The following CDC42BPG variants were observed in gnomAD, a reference collection of about 807,000 sequenced individuals.
CDC42BPG encodes the protein serine/threonine-protein kinase MRCK gamma.
A neutral mutation model predicts 192.2 loss-of-function variants in CDC42BPG; 157 were observed. The ratio of observed to expected loss-of-function variants is 0.82; its 90% confidence interval spans 0.72 to 0.93. The LOEUF (loss-of-function observed/expected upper bound fraction) is 0.93. Among genes scored for constraint, CDC42BPG ranks in the 40% least tolerant of loss-of-function variants. The probability of loss-of-function intolerance (pLI) is 0.00; values close to 1 mark genes in which losing one functional copy is unlikely to be tolerated. For synonymous variants in CDC42BPG, 981 were observed against 918.5 expected, an observed-to-expected ratio of 1.07 and a Z score of -1.23; for missense variants, 1,992 against 2,122.1, an observed-to-expected ratio of 0.94 and a Z score of 1.20.
intron 11 of CDC42BPG, 30 bp downstream of exon 11, chr11:64,836,709 G>GGCA (rs752185117): frequency 1.4e-6 from 1 of 695,480 alleles, no homozygotes; most frequent in Non-Finnish European, 2.1e-6. Flanking sequence ...TCAGCCCTGG[G>GGCA]GGGGGGGGGG....
Position 64,836,742 on chromosome 11 carries a change from G to C in CDC42BPG, c.1381C>G (p.Pro461Ala). ...GGGGGGTGGGCGGAAGGGATACCTGGCAGCCTGTCCCGCAGAGTCTGCACT... is the reference window on the plus strand; with the variant it reads ...GGGGGGTGGGCGGAAGGGATACCTGCCAGCCTGTCCCGCAGAGTCTGCACT... ...KEVQTLRDRL[P>A]EMLRDKASLS... The change falls in exon 11 of 37, where the codon CCA (proline) becomes GCA (alanine). Residue 461 changes from proline (P) to alanine (A), a missense_variant. Physicochemically the swap from Pro to Ala is conservative, Grantham distance 27. Transcript: ENST00000342711. The C allele has an allele frequency of 7.5e-7, 1 of 1,324,948 alleles. No homozygotes were observed. Among genetic ancestry groups the C allele is most frequent in the South Asian group, 1.4e-5 (1 of 74,006 alleles). The allele number at this position is 1,324,948 out of a possible 1,614,324, so 82.1% of individuals were successfully genotyped here.
In CDC42BPG at chr11:64,834,475, G is replaced by T; in HGVS notation, c.2278C>A (p.Gln760Lys). 1 of 1,571,154 alleles carries T rather than the reference G, an allele frequency of 6.4e-7. No homozygotes were observed. The change falls in exon 19 of 37, where the codon CAG becomes AAG. Residue 760 changes from glutamine to lysine, a missense_variant. Gln to Lys is a moderately conservative substitution (Grantham distance 53). Transcript: ENST00000342711. Reference sequence around the variant, plus strand: ...TCCTGCACCTGTGTCAGCCGCTCCTGCAGGCCCTGCTTGGCGCGGATCTCG... The same window carrying T: ...TCCTGCACCTGTGTCAGCCGCTCCTTCAGGCCCTGCTTGGCGCGGATCTCG... ...EAEIRAKQGL[Q>K]ERLTQVQEAQ...
intron 8 of CDC42BPG, 43 bp downstream of exon 8, chr11:64,838,611 G>A: frequency 1.2e-6 from 2 of 1,603,020 alleles, no homozygotes; most frequent in South Asian, 1.1e-5. Flanking sequence ...AGCCAACAAG[G>A]GGGTAGGGCA....
intron 4 of CDC42BPG, 88 bp from the exon 5 acceptor site, chr11:64,840,356 C>T: frequency 6.5e-7 from 1 of 1,532,922 alleles, no homozygotes; most frequent in Non-Finnish European, 8.8e-7. Context: ...GAAGGCAGGC[C>T]TGCATCTCCC....
chr11:64,835,944 T>A (rs966493184), intron 13 of CDC42BPG, 93 bp from the exon 14 acceptor site: 1 of 1,350,740 alleles, frequency 7.4e-7, no homozygotes, highest in African/African-American at 1.4e-5. Flanking sequence ...CCAGCCACAG[T>A]GGACATGAGG....
chr11:64,837,243 C>T (rs901545461), intron 9 of CDC42BPG, among the ~76,000 whole-genome samples: 7 of 152,250 alleles, frequency 4.6e-5, no homozygotes, highest in African/African-American at 1.7e-4. Context: ...CCCTTACAAG[C>T]TGTATCACCT....
In CDC42BPG at chr11:64,838,558, A is replaced by AC. The variant is rs1414390016; in HGVS notation, c.1125+95dup. 8 of 1,501,506 alleles carry AC rather than the reference A, an allele frequency of 5.3e-6. No homozygotes were observed. In the East Asian group the frequency reaches 1.8e-4, roughly 34 times the overall value. 93.0% of individuals were successfully genotyped at this position (1,501,506 alleles called of 1,614,324 possible). A position where few individuals can be genotyped will look rare whatever the true frequency, so the allele number is the denominator to read the frequency against. On this transcript the variant is annotated intron_variant, in intron 8 of 36. Transcript: ENST00000342711. ...ATAAGCCCCGGTGTCTGAAGGCCTC[A>AC]CCCCCAGCCCACCCCAGGGGACTTC...
chr11:64,826,361 G>C, intron 36 of CDC42BPG, 109 bp downstream of exon 36: 1 of 760,988 alleles, frequency 1.3e-6, no homozygotes, highest in Non-Finnish European at 2.3e-6. Flanking sequence ...TCGAGGGCAG[G>C]GATGGGCTCA....
At chr11:64,834,103 G>T in intron 20 of CDC42BPG, 126 bp from the exon 21 acceptor site, 3 of 1,455,286 alleles carry the variant, frequency 2.1e-6, no homozygotes, top group South Asian at 2.3e-5. Context: ...GCTGGGCACA[G>T]CAGGCACTCC....
rs1942983014 is a variant in CDC42BPG at position 64,836,296 on chromosome 11, C to A, written c.1489G>T (p.Glu497Ter). 6.2e-7 allele frequency: 1 copy of A among 1,607,646 alleles called. No individual in the cohort carries two copies. The change falls in exon 13 of 37, where the codon GAG (glutamate) becomes TAG (stop). Residue 497 changes from glutamate (E) to a stop codon, truncating the protein, a stop_gained and splice_region_variant. Coordinates refer to ENST00000342711, the MANE Select transcript of CDC42BPG (RefSeq NM_017525.3). LOFTEE classifies it high-confidence loss of function. ...AGCCCTGCCCGACCCTCGGCCAGCT[C>A]CTGAGGAGGCAGGGGAGGGAGCGGG... is the stretch of plus-strand genomic sequence containing the variant. ...LRQELDRLHR[E>*]LAEGRAGLQA...
chr11:64,830,946 G>A (rs1565675517), intron 28 of CDC42BPG, among the ~76,000 whole-genome samples: 1 of 152,204 alleles, frequency 6.6e-6, no homozygotes, highest in East Asian at 1.9e-4. Flanking sequence ...AGCTGGGCAC[G>A]GTGGCCCATG....
chr11:64,826,440 G>C (rs1056163237), intron 36 of CDC42BPG, 30 bp downstream of exon 36: 1 of 1,505,296 alleles, frequency 6.6e-7, no homozygotes, highest in East Asian at 2.3e-5. Context: ...GTTTGAATAG[G>C]GGACGGACAA....
intron 28 of CDC42BPG, 97 bp downstream of exon 28, chr11:64,831,408 A>T: frequency 8.7e-7 from 1 of 1,144,026 alleles, no homozygotes; most frequent in Non-Finnish European, 1.3e-6. Flanking sequence ...TCGTGGCTGC[A>T]GGGAATGGGC....
chr11:64,825,779 A>G (rs1017487099), intron 36 of CDC42BPG, among the ~76,000 whole-genome samples: 6 of 151,998 alleles, frequency 3.9e-5, no homozygotes, highest in Non-Finnish European at 8.8e-5. Flanking sequence ...AAGAATCCCA[A>G]GAGTGGCCGG....
intron 21 of CDC42BPG, 38 bp downstream of exon 21, chr11:64,833,887 G>A (rs769361908): frequency 6.2e-7 from 1 of 1,614,196 alleles, no homozygotes; most frequent in South Asian, 1.1e-5. Flanking sequence ...GCCTCTCCCA[G>A]AACTTCTCCC....
In CDC42BPG at chr11:64,836,874, A is replaced by C; in HGVS notation, c.1303+48T>G. 3 of 1,610,006 alleles carry C rather than the reference A, an allele frequency of 1.9e-6. No individual in the cohort carries two copies. In the East Asian group the frequency reaches 6.7e-5, roughly 36 times the overall value. On this transcript the variant is annotated intron_variant, in intron 10 of 36. Transcript: ENST00000342711. ...TCCACTCCTCCATTCCCGCAGCAGC[A>C]GCCCCTAGGGCCAGCACACCCAGGC...
At chr11:64,838,563 C>A in intron 8 of CDC42BPG, 91 bp downstream of exon 8, 1 of 1,534,194 alleles carries the variant, frequency 6.5e-7, no homozygotes, top group Non-Finnish European at 8.9e-7. Flanking sequence ...GCCTCACCCC[C>A]AGCCCACCCC....
At chr11:64,824,901 C>T (rs1297412560) in intron 36 of CDC42BPG, among the ~76,000 whole-genome samples, 1 of 151,882 alleles carries the variant, frequency 6.6e-6, no homozygotes, top group African/African-American at 2.4e-5. Context: ...GCATGCACCA[C>T]CATGCCTAGT....
Position 64,835,160 on chromosome 11 carries a change from C to A in CDC42BPG, c.1954-7G>T, listed in dbSNP as rs1592706506. ...GGGCCAGCTCTGCTTCTAGCTGGGG[C>A]CGGCCAGAGGAAAGGTCAGCCCCAG... On this transcript the variant is annotated splice_region_variant and splice_polypyrimidine_tract_variant and intron_variant, in intron 16 of 36. Transcript: ENST00000342711. The A allele has an allele frequency of 1.9e-6, 3 of 1,601,878 alleles. No homozygotes were observed. In the East Asian group the frequency reaches 6.7e-5, roughly 36 times the overall value.
Sources: allele counts gnomAD v4.1 joint callset (sites outside exome capture counted in the v4.1 genomes callset), GRCh38; gene constraint gnomAD v4.1.1; transcripts MANE v1.5; gene names NCBI Gene and HGNC (gene_info 2026-07-23, HGNC 2026-07-21).